OR2AT4: variants seen among roughly 807,000 people sequenced by gnomAD.
The protein encoded by OR2AT4 is olfactory receptor 2AT4.
In OR2AT4, 6 loss-of-function variants were observed where a neutral mutation model predicts 10.3. That is an observed-to-expected ratio of 0.58 (90% confidence interval 0.32 to 1.15). The LOEUF (loss-of-function observed/expected upper bound fraction) is 1.15. OR2AT4 is among the 50% of genes most tolerant of loss of function. The pLI, the probability that OR2AT4 is intolerant of heterozygous loss-of-function variation, is 0.05. For missense variants in OR2AT4, 354 were observed against 393.8 expected (o/e 0.90, Z 0.85); for synonymous variants, 145 against 159.1 (o/e 0.91, Z 0.67).
exon 2 of OR2AT4, chr11:75,089,019 C>T (rs369166223): frequency 2.2e-5 from 35 of 1,613,930 alleles, no homozygotes; most frequent in East Asian, 8.9e-5. Flanking sequence ...GGAACTGATG[C>T]GAAGCACTGA....
chr11:75,089,960 T>C (rs1949314177), exon 2 of OR2AT4: 1 of 473,186 alleles, frequency 2.1e-6, no homozygotes, highest in Non-Finnish European at 3.7e-6. Context: ...ACCAACCAAA[T>C]AGAAGTCTGT....
intron 1 of OR2AT4, among the ~76,000 whole-genome samples, chr11:75,092,292 A>T (rs536509494): frequency 6.6e-6 from 1 of 152,234 alleles, no homozygotes; most frequent in African/African-American, 2.4e-5. Flanking sequence ...ACCACTTCGG[A>T]TAACAGTGTG....
chr11:75,094,461 T>C (rs1396668947), intron 1 of OR2AT4, among the ~76,000 whole-genome samples: 1 of 152,176 alleles, frequency 6.6e-6, no homozygotes, highest in African/African-American at 2.4e-5. Context: ...CTAAAAGACA[T>C]ATGAGGCAGG....
At chr11:75,088,053 C>T (rs1430106170) in exon 2 of OR2AT4, 1 of 152,120 alleles carries the variant, frequency 6.6e-6, no homozygotes, top group Admixed American at 6.5e-5. Flanking sequence ...AGAGAGCTTC[C>T]TTATTTCCTT....
chr11:75,085,709 A>T (rs932416846), exon 2 of OR2AT4: 1 of 152,112 alleles, frequency 6.6e-6, no homozygotes, highest in Non-Finnish European at 1.5e-5. Flanking sequence ...AAAATTAAAG[A>T]GCTAAGTAAA....
At chr11:75,084,861 T>C (rs1367398290) in exon 2 of OR2AT4, 2 of 152,264 alleles carry the variant, frequency 1.3e-5, no homozygotes, top group East Asian at 3.9e-4. Context: ...ATGCAACATA[T>C]TAAAATTCGT....
In OR2AT4 at chr11:75,088,501, T is replaced by C. The variant is rs867047345; in HGVS notation, c.*250A>G. 1.9e-5 allele frequency: 6 copies of C among 316,524 alleles called. No homozygotes were observed. In the South Asian group the frequency reaches 7.5e-4, roughly 39 times the overall value. 19.6% of individuals were successfully genotyped at this position (316,524 alleles called of 1,614,324 possible). On this transcript the variant is annotated 3_prime_UTR_variant, in exon 2 of 2. Transcript: ENST00000641504. ...AATCTTCTACATTCTTTGTATAATA[T>C]GAATATTTGCCTTTCCCTGTGATAC...
At chr11:75,084,386 A>C (rs1338153930) in exon 2 of OR2AT4, 1 of 152,258 alleles carries the variant, frequency 6.6e-6, no homozygotes, top group Non-Finnish European at 1.5e-5. Context: ...AATTGAAGGG[A>C]GAAATGGACA....
chr11:75,089,434 C>T (rs780568171), exon 2 of OR2AT4: 2 of 1,614,072 alleles, frequency 1.2e-6, no homozygotes, highest in South Asian at 2.2e-5. Flanking sequence ...AGGAAGCGGT[C>T]CCCAAGCAAG....
exon 2 of OR2AT4, chr11:75,089,845 A>G: frequency 1.0e-6 from 1 of 984,882 alleles, no homozygotes; most frequent in Non-Finnish European, 1.5e-6. Flanking sequence ...TAATATAAGC[A>G]GAATTATTTA....
exon 2 of OR2AT4, chr11:75,082,450 T>C (rs1019706880): frequency 6.7e-6 from 1 of 149,690 alleles, no homozygotes; most frequent in Non-Finnish European, 1.5e-5. Context: ...TAAAGTATAA[T>C]AAAATAAATA....
intron 1 of OR2AT4, among the ~76,000 whole-genome samples, chr11:75,092,586 A>G (rs1949325314): frequency 6.6e-6 from 1 of 152,078 alleles, no homozygotes; most frequent in Non-Finnish European, 1.5e-5. Context: ...GCTACCCCCA[A>G]TGTAGCTATT....
chr11:75,093,804 CTTTTTCTTTTTTTTTTTTTTT>C (rs1342549444), intron 1 of OR2AT4, among the ~76,000 whole-genome samples: 61 of 88,376 alleles, frequency 6.9e-4, no homozygotes, highest in African/African-American at 2.3e-3. Flanking sequence ...TTTTCTTTTT[CTTTTTCTTTTTTTTTTTTTTT>C]TTTTTTTTTT....
upstream of OR2AT4, chr11:75,096,887 G>A (rs570402902): frequency 1.3e-5 from 2 of 152,322 alleles, no homozygotes; most frequent in African/African-American, 4.8e-5. Context: ...TGGTTGGGAA[G>A]AGCCAGGTAG....
At chr11:75,090,950 G>A (rs1404051269) in intron 1 of OR2AT4, among the ~76,000 whole-genome samples, 7 of 152,100 alleles carry the variant, frequency 4.6e-5, no homozygotes, top group Non-Finnish European at 7.4e-5. Context: ...TGCGGCTAAC[G>A]AATTAAGCTC....
exon 2 of OR2AT4, chr11:75,089,911 C>T (rs995905360): frequency 9.8e-5 from 52 of 531,216 alleles, no homozygotes; most frequent in African/African-American, 5.7e-4. Flanking sequence ...GCCATGTGAA[C>T]GCAAAATTTG....
exon 2 of OR2AT4, chr11:75,090,353 G>C (rs971285964): frequency 1.3e-5 from 2 of 152,400 alleles, no homozygotes; most frequent in Non-Finnish European, 2.9e-5. Context: ...CTAGGTGTCT[G>C]GACTTCTGCT....
At chr11:75,083,376 A>G (rs1244724194) in exon 2 of OR2AT4, 2 of 152,184 alleles carry the variant, frequency 1.3e-5, no homozygotes, top group Non-Finnish European at 2.9e-5. Context: ...AATGGCTATC[A>G]TTAAAGTCAA....
chr11:75,084,912 C>T (rs1353726572), exon 2 of OR2AT4: 2 of 152,046 alleles, frequency 1.3e-5, no homozygotes, highest in Admixed American at 1.3e-4. Flanking sequence ...AATGTACAGA[C>T]TTCAATGCTT....
Sources: allele counts gnomAD v4.1 joint callset (sites outside exome capture counted in the v4.1 genomes callset), GRCh38; gene constraint gnomAD v4.1.1; transcripts MANE v1.5; gene names NCBI Gene and HGNC (gene_info 2026-07-23, HGNC 2026-07-21).